The following AGO3 variants were observed in gnomAD, a reference collection of about 807,000 sequenced individuals.
AGO3 encodes the protein argonaute RISC catalytic component 3.
In AGO3, 16 loss-of-function variants were observed where a neutral mutation model predicts 105.5. That is an observed-to-expected ratio of 0.15 (90% CI 0.10 to 0.23). The LOEUF (loss-of-function observed/expected upper bound fraction) is 0.23. Ranked by LOEUF, AGO3 falls within the 10% of genes least tolerant of loss-of-function variation. The pLI, the probability that AGO3 is intolerant of heterozygous loss-of-function variation, is 1.00. For missense variants in AGO3, 534 were observed against 1,088.0 expected, an observed-to-expected ratio of 0.49 and a Z score of 7.16; for synonymous variants, 340 against 367.3, an observed-to-expected ratio of 0.93 and a Z score of 0.85.
chr1:36,014,827 A>C (rs141554860), intron 11 of AGO3, among the ~76,000 whole-genome samples: 3 of 151,898 alleles, frequency 2.0e-5, no homozygotes, highest in African/African-American at 7.2e-5. Flanking sequence ...TGTTAGTCAT[A>C]GTAAATTCCT....
chr1:36,044,265 A>G (rs1642368957), intron 17 of AGO3, among the ~76,000 whole-genome samples: 3 of 152,136 alleles, frequency 2.0e-5, no homozygotes, highest in Admixed American at 1.3e-4. Context: ...GGATCACTTG[A>G]GCGCGGAGGC....
intron 2 of AGO3, among the ~76,000 whole-genome samples, chr1:35,955,241 C>T (rs1263920689): frequency 6.6e-6 from 1 of 152,124 alleles, no homozygotes; most frequent in African/African-American, 2.4e-5. Context: ...AGACTTGAGT[C>T]CTGGAGAACA....
intron 14 of AGO3, among the ~76,000 whole-genome samples, chr1:36,038,466 A>G (rs558420588): frequency 1.4e-4 from 22 of 152,176 alleles, no homozygotes; most frequent in African/African-American, 5.3e-4. Context: ...TGTGTTAGCC[A>G]GGATGGTCTT....
intron 5 of AGO3, among the ~76,000 whole-genome samples, chr1:35,976,906 G>T (rs576794068): frequency 6.6e-6 from 1 of 152,068 alleles, no homozygotes; most frequent in Non-Finnish European, 1.5e-5. Flanking sequence ...TTTCTAAAAT[G>T]TATAACAGTT....
At position 36,045,538 on chromosome 1, in the gene AGO3, T is replaced by C. The variant is rs1295943656; in HGVS notation, c.2274+1990T>C. 2.0e-5 allele frequency among the ~76,000 whole-genome samples: 3 copies of C among 147,614 alleles called. No homozygotes were observed. In the East Asian group the frequency reaches 6.0e-4, roughly 30 times the overall value. On this transcript the variant is annotated intron_variant, in intron 17 of 18. Transcript: ENST00000373191. ...TGTCCGACCTTTTTTTTTTTTGAGA[T>C]GGAGTTTTGCTTTTGTCGCCCACGC...
At chr1:36,028,840 G>A (rs1641634826) in intron 12 of AGO3, among the ~76,000 whole-genome samples, 1 of 152,004 alleles carries the variant, frequency 6.6e-6, no homozygotes, top group Admixed American at 6.6e-5. Flanking sequence ...CACAATGGTT[G>A]AACTAGTCTA....
At chr1:35,957,334 C>T (rs148041201) in intron 2 of AGO3, among the ~76,000 whole-genome samples, 1,751 of 151,562 alleles carry the variant, frequency 0.012, 33 homozygotes, top group African/African-American at 0.041. Flanking sequence ...CCAGCCTGGG[C>T]GACAGAGCGA....
chr1:35,944,012 GTT>G (rs1646310296), intron 1 of AGO3, among the ~76,000 whole-genome samples: 1 of 152,054 alleles, frequency 6.6e-6, no homozygotes, highest in Non-Finnish European at 1.5e-5. Flanking sequence ...ACCACATTTT[GTT>G]TATTCATTCA....
rs190450499 is a variant in AGO3, at chr1:36,063,204, A to C, written c.*7459A>C. On this transcript the variant is annotated 3_prime_UTR_variant, in exon 19 of 19. Coordinates refer to ENST00000373191, the MANE Select transcript of AGO3 (RefSeq NM_024852.4). ...TGTTTATATAGTGGGCATTAAAGAC[A>C]GTCTTTAGACAGATTTCTACATGTG... 36 of 152,332 alleles carry C rather than the reference A, an allele frequency of 2.4e-4. 1 individual carries two copies. The highest frequency in any genetic ancestry group is 5.0e-4 in the Non-Finnish European group (34 of 68,010). 9.4% of individuals were successfully genotyped at this position (152,332 alleles called of 1,614,324 possible).
intron 12 of AGO3, among the ~76,000 whole-genome samples, chr1:36,032,335 C>G (rs890778219): frequency 6.6e-6 from 1 of 152,048 alleles, no homozygotes; most frequent in Non-Finnish European, 1.5e-5. Flanking sequence ...TTTTCATGTG[C>G]TTATGGGTCA....
intron 5 of AGO3, among the ~76,000 whole-genome samples, chr1:35,978,500 A>G: frequency 6.7e-6 from 1 of 149,124 alleles, no homozygotes; most frequent in East Asian, 1.9e-4. Context: ...CCTGAAAACA[A>G]TTTTTTTTTT....
At chr1:35,970,587 C>CA (rs1174016597) in intron 3 of AGO3, among the ~76,000 whole-genome samples, 1 of 152,134 alleles carries the variant, frequency 6.6e-6, no homozygotes, top group East Asian at 1.9e-4. Context: ...TGTCAGTATA[C>CA]ATACTGTGTT....
intron 17 of AGO3, among the ~76,000 whole-genome samples, chr1:36,050,913 G>A (rs892253783): frequency 4.0e-5 from 6 of 151,622 alleles, no homozygotes; most frequent in African/African-American, 7.3e-5. Flanking sequence ...AGGAACCTTC[G>A]CCTCCTGGGC....
At position 36,055,452 on chromosome 1, in the gene AGO3, G is replaced by A. The variant is rs564722340; in HGVS notation, c.2475-185G>A. On this transcript the variant is annotated intron_variant, in intron 18 of 18. Coordinates refer to ENST00000373191, the MANE Select transcript of AGO3 (RefSeq NM_024852.4). The surrounding 1 kb of genome is among the most constrained non-coding windows in gnomAD (Gnocchi z 4.4). The stretch of plus-strand genomic sequence containing the variant: ...CTTCTAATTAATTCTGGGGAGGTGA[G>A]AGAAGTAAAACAAAATTGGCCTTGA... 6.6e-6 allele frequency among the ~76,000 whole-genome samples: 1 copy of A among 152,296 alleles called. No homozygotes were observed. Among genetic ancestry groups the A allele is most frequent in the Non-Finnish European group, 1.5e-5 (1 of 68,026 alleles).
At chr1:36,021,262 T>A (rs574721407) in intron 11 of AGO3, among the ~76,000 whole-genome samples, 61 of 152,280 alleles carry the variant, frequency 4.0e-4, no homozygotes, top group African/African-American at 1.4e-3. Flanking sequence ...AAACCGCAAT[T>A]ACTTTTGCAC....
At chr1:35,987,344 T>A (rs1647227279) in intron 5 of AGO3, among the ~76,000 whole-genome samples, 1 of 137,620 alleles carries the variant, frequency 7.3e-6, no homozygotes, top group South Asian at 2.3e-4. Context: ...AAAAAAAAAA[T>A]TAGCCTGGCA....
At chr1:35,946,899 A>G (rs560339297) in intron 2 of AGO3, among the ~76,000 whole-genome samples, 25 of 152,332 alleles carry the variant, frequency 1.6e-4, no homozygotes, top group Non-Finnish European at 2.2e-4. Flanking sequence ...TAACTAATCC[A>G]ATACCTTTTT....
Position 36,011,001 on chromosome 1 carries a change from T to C in AGO3, c.1149+1407T>C, listed in dbSNP as rs1640586656. On this transcript the variant is annotated intron_variant, in intron 9 of 18. Transcript: ENST00000373191. ...GAAAGAAAGGAAATAGAAGATAGCTTTAACCACGTAAGGTCTCTGTGCTGT... is the reference window on the plus strand; with the variant it reads ...GAAAGAAAGGAAATAGAAGATAGCTCTAACCACGTAAGGTCTCTGTGCTGT... Among the ~76,000 whole-genome samples the C allele has an allele frequency of 2.6e-5, 4 of 152,024 alleles. No individual in the cohort carries two copies. The South Asian group carries it at 8.3e-4, about 32-fold the overall frequency.
Position 35,931,163 on chromosome 1 carries a change from G to A in AGO3, c.-264G>A, listed in dbSNP as rs1229374106. On this transcript the variant is annotated 5_prime_UTR_variant, in exon 1 of 19. Transcript: ENST00000373191. ...GCGGTGGGAGCGTCGGCGGCCGCGG[G>A]CGATGCAACTTCCGGACGGGACTCC... The A allele has an allele frequency of 7.5e-6, 3 of 398,034 alleles. No individual in the cohort carries two copies. The highest frequency in any genetic ancestry group is 4.1e-5 in the African/African-American group (2 of 48,494). The allele number at this position is 398,034 out of a possible 1,614,324, so 24.7% of individuals were successfully genotyped here. A position where few individuals can be genotyped will look rare whatever the true frequency, so the allele number is the denominator to read the frequency against.
Sources: allele counts gnomAD v4.1 joint callset (sites outside exome capture counted in the v4.1 genomes callset), GRCh38; gene constraint gnomAD v4.1.1; non-coding constraint Gnocchi (gnomAD v3.1); transcripts MANE v1.5; gene names NCBI Gene and HGNC (gene_info 2026-07-23, HGNC 2026-07-21).